Variants in TXNRD1 observed in about 807,000 individuals in gnomAD.
TXNRD1 encodes the protein thioredoxin reductase 1.
In TXNRD1, 57 loss-of-function variants were observed where a neutral mutation model predicts 80.3. That is an observed-to-expected ratio of 0.71 (90% CI 0.57 to 0.89). TXNRD1 has a LOEUF of 0.89. Ranked by LOEUF, TXNRD1 falls within the 40% of genes least tolerant of loss-of-function variation. TXNRD1 has a pLI of 0.00. For missense variants in TXNRD1, 730 were observed against 803.0 expected, an observed-to-expected ratio of 0.91 and a Z score of 1.10; for synonymous variants, 291 against 285.2, an observed-to-expected ratio of 1.02 and a Z score of -0.20.
intron 4 of TXNRD1, among the ~76,000 whole-genome samples, chr12:104,302,674 A>G (rs2034685275): frequency 6.6e-6 from 1 of 151,156 alleles, no homozygotes; most frequent in South Asian, 2.1e-4. Flanking sequence ...TAGTTTTAGT[A>G]GAGACGGGGT....
At chr12:104,245,885 G>A (rs1006610928) in intron 1 of TXNRD1, among the ~76,000 whole-genome samples, 5 of 151,982 alleles carry the variant, frequency 3.3e-5, no homozygotes, top group Non-Finnish European at 7.4e-5. Context: ...CGAGGCGGGC[G>A]TATCACGAGG....
intron 3 of TXNRD1, among the ~76,000 whole-genome samples, chr12:104,266,688 G>A (rs1409090465): frequency 6.6e-6 from 1 of 151,934 alleles, no homozygotes; most frequent in Non-Finnish European, 1.5e-5. Flanking sequence ...ACAGGGCCGG[G>A]CGCGGTGGCT....
At chr12:104,294,759 C>T (rs1593772271) in intron 4 of TXNRD1, among the ~76,000 whole-genome samples, 1 of 152,162 alleles carries the variant, frequency 6.6e-6, no homozygotes, top group South Asian at 2.1e-4. Flanking sequence ...GTGTGAGCCA[C>T]TGCACCCAGC....
chr12:104,302,860 CT>C (rs1481365246), intron 4 of TXNRD1, among the ~76,000 whole-genome samples: 1 of 152,200 alleles, frequency 6.6e-6, no homozygotes, highest in Non-Finnish European at 1.5e-5. Context: ...TTTAACTGCA[CT>C]TGAGTTTCCA....
At chr12:104,242,119 A>G (rs1280705608) in intron 1 of TXNRD1, among the ~76,000 whole-genome samples, 3 of 150,808 alleles carry the variant, frequency 2.0e-5, no homozygotes, top group Non-Finnish European at 3.0e-5. Flanking sequence ...TTGTATTTTT[A>G]GTAGAGATGG....
At chr12:104,225,911 G>T (rs4321026) in intron 1 of TXNRD1, among the ~76,000 whole-genome samples, 1 of 151,512 alleles carries the variant, frequency 6.6e-6, no homozygotes, top group South Asian at 2.1e-4. Flanking sequence ...ATAGAAAAAG[G>T]AGCTTATGCC....
At chr12:104,288,795 C>T in intron 3 of TXNRD1, 136 bp from the exon 4 acceptor site, 1 of 1,576,730 alleles carries the variant, frequency 6.3e-7, no homozygotes, top group Non-Finnish European at 8.6e-7. Flanking sequence ...GCAAGTCATG[C>T]TAACTTGCAA....
chr12:104,333,966 G>C (rs4630362), intron 14 of TXNRD1, among the ~76,000 whole-genome samples: 141,044 of 152,260 alleles, frequency 0.93, 65,482 homozygotes, highest in East Asian at 1. Flanking sequence ...GCTTATTTCT[G>C]TCATTCCCTT....
intron 16 of TXNRD1, among the ~76,000 whole-genome samples, chr12:104,344,256 G>A (rs2036420562): frequency 2.0e-5 from 3 of 152,094 alleles, no homozygotes. Context: ...ATGTGGCTGT[G>A]GCTTGGGAGG....
In TXNRD1 at chr12:104,316,534, C is replaced by T. The variant is rs536347663; in HGVS notation, c.730+638C>T. ...CCTCCCGAGTAGCTGGGATTACGGG[C>T]GCCTGCCACCACGCCTGGCTAATTT... is the stretch of plus-strand genomic sequence containing the variant. On this transcript the variant is annotated intron_variant, in intron 7 of 16. Transcript: ENST00000525566. Among the ~76,000 whole-genome samples, 8 of 152,136 alleles carry T rather than the reference C, an allele frequency of 5.3e-5. No individual in the cohort carries two copies. In the East Asian group the frequency reaches 5.8e-4, roughly 11 times the overall value.
intron 2 of TXNRD1, among the ~76,000 whole-genome samples, chr12:104,254,644 A>AAAAAAAAAAAAAAATATATATAT: frequency 2.1e-5 from 2 of 93,634 alleles, no homozygotes. Flanking sequence ...AAAAAAAAAA[A>AAAAAAAAAAAAAAATATATATAT]ATATATATAT....
chr12:104,224,367 G>A (rs556726751), intron 1 of TXNRD1, among the ~76,000 whole-genome samples: 72 of 151,900 alleles, frequency 4.7e-4, no homozygotes, highest in Middle Eastern at 6.8e-3. Context: ...TGGGCTCCTG[G>A]GGGTAAGGAT....
At chr12:104,329,159 T>C (rs923342489) in intron 13 of TXNRD1, among the ~76,000 whole-genome samples, 2 of 152,210 alleles carry the variant, frequency 1.3e-5, no homozygotes, top group Admixed American at 1.3e-4. Context: ...GAATAGCAGT[T>C]GGTTCGTATT....
At chr12:104,305,795 C>T (rs989300513) in intron 4 of TXNRD1, among the ~76,000 whole-genome samples, 1 of 152,168 alleles carries the variant, frequency 6.6e-6, no homozygotes, top group Non-Finnish European at 1.5e-5. Flanking sequence ...TTCTCTGGCC[C>T]CTAGTGTCCC....
intron 3 of TXNRD1, among the ~76,000 whole-genome samples, chr12:104,267,645 GTATCTTTCTTTCTTTC>G (rs1442892319): frequency 1.9e-5 from 2 of 103,506 alleles, no homozygotes; most frequent in African/African-American, 7.4e-5. Context: ...AGATGTGATG[GTATCTTTCTTTCTTTC>G]TTTCTTTCTT....
At chr12:104,340,651 G>T (rs1001300160) in intron 16 of TXNRD1, among the ~76,000 whole-genome samples, 1 of 152,142 alleles carries the variant, frequency 6.6e-6, no homozygotes, top group African/African-American at 2.4e-5. Flanking sequence ...CATCCCTTGT[G>T]TGTCTGTGTC....
At chr12:104,264,087 C>T (rs1176759847) in intron 3 of TXNRD1, among the ~76,000 whole-genome samples, 1 of 152,232 alleles carries the variant, frequency 6.6e-6, no homozygotes, top group Non-Finnish European at 1.5e-5. Context: ...GTTCTCACCA[C>T]TTTGGTATTG....
chr12:104,288,816 A>T (rs1280477581), intron 3 of TXNRD1, 115 bp from the exon 4 acceptor site: 13 of 1,605,822 alleles, frequency 8.1e-6, no homozygotes, highest in Non-Finnish European at 1.1e-5. Context: ...GGGAGTCAAC[A>T]GAGGGCACGC....
chr12:104,325,693 G>A (rs1387866934), intron 11 of TXNRD1, among the ~76,000 whole-genome samples: 1 of 152,128 alleles, frequency 6.6e-6, no homozygotes, highest in East Asian at 1.9e-4. Context: ...CCAACGTGGT[G>A]AAACCCCGAC....
Sources: gnomAD v4.1 joint callset for allele counts (sites outside exome capture counted in the v4.1 genomes callset) on GRCh38, gnomAD v4.1.1 for gene constraint, MANE v1.5 for transcripts, NCBI Gene and HGNC (gene_info 2026-07-23, HGNC 2026-07-21) for gene names.